Variants in DLGAP1 observed in about 807,000 individuals in gnomAD.
DLGAP1 encodes DLG associated protein 1.
DLGAP1 carries 11 observed loss-of-function variants against 90.8 expected under a neutral mutation model. That is an observed-to-expected ratio of 0.12 (90% CI 0.08 to 0.20). The LOEUF (loss-of-function observed/expected upper bound fraction) is 0.20. DLGAP1 is among the 10% of genes least tolerant of loss of function. The pLI is 1.00. For missense variants in DLGAP1, 1,050 were observed against 1,333.8 expected (o/e 0.79, Z 3.31); for synonymous variants, 558 against 540.7 (o/e 1.03, Z -0.44).
chr18:4,046,333 C>G (rs985071938), intron 2 of DLGAP1, among the ~76,000 whole-genome samples: 1 of 152,140 alleles, frequency 6.6e-6, no homozygotes, highest in African/African-American at 2.4e-5. Context: ...TAATTATAGA[C>G]CACTAGTGAG....
rs1475757920 is a variant in DLGAP1, at chr18:4,357,356, T to A, written c.-267+97650A>T. On this transcript the variant is annotated intron_variant, in intron 1 of 12. Transcript: ENST00000315677. Reference sequence around the variant, plus strand: ...TTTAGTAGAGATGGGGTTTCACCATTTTAATTAGGCTGGTCTCTAACTCCT... The same window carrying A: ...TTTAGTAGAGATGGGGTTTCACCATATTAATTAGGCTGGTCTCTAACTCCT... 3.3e-5 allele frequency among the ~76,000 whole-genome samples: 5 copies of A among 151,864 alleles called. No homozygotes were observed. The South Asian group carries it at 8.3e-4, about 25-fold the overall frequency.
At position 3,581,972 on chromosome 18, in the gene DLGAP1, G is replaced by T. The variant is rs747552428; in HGVS notation, c.1868C>A (p.Ala623Asp). ...PASQHMGNNT[A>D]TVTTTTTIAT... ...TATGGTAGTCGTGGTGGTGACGGTGGCAGTGTTATTGCCCATGTGTTGACT... is the reference window on the plus strand; with the variant it reads ...TATGGTAGTCGTGGTGGTGACGGTGTCAGTGTTATTGCCCATGTGTTGACT... Residue 623 changes from alanine to aspartate, a missense_variant, in exon 8 of 13, where the codon GCC (alanine) becomes GAC (aspartate). By Grantham distance (126) the Ala-to-Asp change is moderately radical. Transcript: ENST00000315677. The T allele has an allele frequency of 1.9e-6, 3 of 1,613,988 alleles. No homozygotes were observed. The highest frequency in any genetic ancestry group is 1.1e-5 in the South Asian group (1 of 91,082).
chr18:4,037,539 T>C (rs1307597165), intron 2 of DLGAP1, among the ~76,000 whole-genome samples: 2 of 152,242 alleles, frequency 1.3e-5, no homozygotes, highest in Admixed American at 6.5e-5. Flanking sequence ...ATGGGAGCCC[T>C]TCTCTTACTT....
chr18:4,191,794 T>A (rs2077405288), intron 1 of DLGAP1, among the ~76,000 whole-genome samples: 1 of 152,174 alleles, frequency 6.6e-6, no homozygotes. Flanking sequence ...ATGCGGTGCA[T>A]CCTCTAGAGC....
At chr18:3,834,305 CAAAAAAAAAAA>C (rs35630074) in intron 4 of DLGAP1, among the ~76,000 whole-genome samples, 1 of 33,166 alleles carries the variant, frequency 3.0e-5, no homozygotes, top group Non-Finnish European at 5.9e-5. Flanking sequence ...GACTCTGTCT[CAAAAAAAAAAA>C]AAAAAAAAAA....
intron 8 of DLGAP1, among the ~76,000 whole-genome samples, chr18:3,568,793 T>C (rs922187188): frequency 4.6e-5 from 7 of 151,554 alleles, no homozygotes; most frequent in African/African-American, 1.7e-4. Flanking sequence ...TTCACACCAT[T>C]CTCCTGCCTC....
chr18:4,363,886 A>C (rs4401127), intron 1 of DLGAP1, among the ~76,000 whole-genome samples: 15,006 of 151,830 alleles, frequency 0.099, 773 homozygotes, highest in African/African-American at 0.13. Flanking sequence ...TACCATTTGA[A>C]CCAGCCATCC....
At chr18:4,007,830 C>T (rs1056923278) in intron 2 of DLGAP1, among the ~76,000 whole-genome samples, 8 of 152,094 alleles carry the variant, frequency 5.3e-5, no homozygotes, top group African/African-American at 1.9e-4. Context: ...CACTATGGAT[C>T]CTAGTCAGCA....
chr18:3,887,383 G>A (rs2071344329), intron 3 of DLGAP1, among the ~76,000 whole-genome samples: 1 of 152,212 alleles, frequency 6.6e-6, no homozygotes, highest in African/African-American at 2.4e-5. Flanking sequence ...AAACAAGACA[G>A]TGGCATGGTC....
In DLGAP1 at chr18:3,692,090, T is replaced by G. The variant is rs141945120; in HGVS notation, c.1591+37045A>C. On this transcript the variant is annotated intron_variant, in intron 7 of 12. Coordinates refer to ENST00000315677, the MANE Select transcript of DLGAP1 (RefSeq NM_004746.4). Reference sequence around the variant, plus strand: ...TAGTTCATCTTAATCAAGAAAGAGCTATCCTTAGGAGGACTTTGAAAAATT... The same window carrying G: ...TAGTTCATCTTAATCAAGAAAGAGCGATCCTTAGGAGGACTTTGAAAAATT... Among the ~76,000 whole-genome samples the G allele has an allele frequency of 9.1e-4, 139 of 152,312 alleles. 2 individuals carry two copies. Among genetic ancestry groups the G allele is most frequent in the African/African-American group, 3.3e-3 (136 of 41,578 alleles).
chr18:4,060,311 A>G (rs980624159), intron 2 of DLGAP1, among the ~76,000 whole-genome samples: 4 of 152,178 alleles, frequency 2.6e-5, no homozygotes, highest in African/African-American at 9.7e-5. Flanking sequence ...CTGTTGGGTA[A>G]TGGGGCAAAT....
intron 7 of DLGAP1, among the ~76,000 whole-genome samples, chr18:3,629,959 T>C (rs1284874839): frequency 1.3e-5 from 2 of 152,232 alleles, no homozygotes; most frequent in Non-Finnish European, 2.9e-5. Context: ...GGAAGCTTTA[T>C]TGTTTGGCCT....
chr18:3,506,593 T>C (rs2050242503), intron 11 of DLGAP1, among the ~76,000 whole-genome samples: 1 of 151,986 alleles, frequency 6.6e-6, no homozygotes, highest in Non-Finnish European at 1.5e-5. Flanking sequence ...TCAAAACTTT[T>C]GTTTGCAATT....
chr18:3,567,264 G>A (rs1316331685), intron 9 of DLGAP1, among the ~76,000 whole-genome samples: 1 of 152,152 alleles, frequency 6.6e-6, no homozygotes, highest in Non-Finnish European at 1.5e-5. Context: ...GTATTTATAT[G>A]TATGTAATAT....
chr18:4,002,927 G>A (rs1267176892), intron 3 of DLGAP1, among the ~76,000 whole-genome samples: 3 of 152,288 alleles, frequency 2.0e-5, no homozygotes, highest in East Asian at 1.9e-4. Context: ...GTCTCTGCGT[G>A]TCTCTTTGTT....
intron 8 of DLGAP1, among the ~76,000 whole-genome samples, chr18:3,568,673 ATATT>A (rs1347135025): frequency 1.3e-5 from 2 of 151,914 alleles, no homozygotes; most frequent in African/African-American, 2.4e-5. Flanking sequence ...CTAAATATAT[ATATT>A]TAAATTTTTG....
At chr18:3,874,212 T>C in intron 4 of DLGAP1, 1 of 1,550,046 alleles carries the variant, frequency 6.5e-7, no homozygotes, top group Non-Finnish European at 8.7e-7. Context: ...CCACTCAGCC[T>C]TAAAAAGGTC....
At position 4,383,466 on chromosome 18, in the gene DLGAP1, C is replaced by T. The variant is rs955128777; in HGVS notation, c.-267+71540G>A. Among the ~76,000 whole-genome samples, 4 of 151,898 alleles carry T rather than the reference C, an allele frequency of 2.6e-5. No individual in the cohort carries two copies. Among genetic ancestry groups the T allele is most frequent in the Admixed American group, 2.6e-4 (4 of 15,234 alleles). On this transcript the variant is annotated intron_variant, in intron 1 of 12. Transcript: ENST00000315677. The surrounding 1 kb of genome is among the most constrained non-coding windows in gnomAD (Gnocchi z 4.0). The stretch of plus-strand genomic sequence containing the variant: ...ATGTAAGATATCTCCCTCTAGTTTA[C>T]TGGCAGGAGCTTGTACTAGAAACAG...
At chr18:4,212,776 T>C (rs1192639478) in intron 1 of DLGAP1, among the ~76,000 whole-genome samples, 3 of 152,112 alleles carry the variant, frequency 2.0e-5, no homozygotes, top group Non-Finnish European at 2.9e-5. Flanking sequence ...ACATAGATTA[T>C]AAATTTTTAC....
Sources: gnomAD v4.1 joint callset for allele counts (sites outside exome capture counted in the v4.1 genomes callset) on GRCh38, gnomAD v4.1.1 for gene constraint, Gnocchi (gnomAD v3.1) non-coding constraint, MANE v1.5 for transcripts, NCBI Gene and HGNC (gene_info 2026-07-23, HGNC 2026-07-21) for gene names.